PDGFC: variants seen among roughly 807,000 people sequenced by gnomAD.
The protein encoded by PDGFC is platelet derived growth factor C, also known as platelet-derived growth factor C.
PDGFC carries 12 observed loss-of-function variants against 35.5 expected under a neutral mutation model. The ratio of observed to expected loss-of-function variants is 0.34; its 90% confidence interval spans 0.22 to 0.55. The LOEUF is 0.55. Ranked by LOEUF, PDGFC falls within the 20% of genes least tolerant of loss-of-function variation. The pLI, the probability that PDGFC is intolerant of heterozygous loss-of-function variation, is 0.91. For missense variants in PDGFC, 322 were observed against 412.4 expected (o/e 0.78, Z 1.90); for synonymous variants, 159 against 148.8 (o/e 1.07, Z -0.50).
intron 1 of PDGFC, among the ~76,000 whole-genome samples, chr4:156,956,633 G>C (rs1339334204): frequency 2.0e-5 from 3 of 151,872 alleles, no homozygotes; most frequent in African/African-American, 7.3e-5. Context: ...ACCAGCACCT[G>C]GTTTGGGATG....
At chr4:156,918,558 C>A (rs1042858548) in intron 1 of PDGFC, among the ~76,000 whole-genome samples, 1 of 152,146 alleles carries the variant, frequency 6.6e-6, no homozygotes, top group Non-Finnish European at 1.5e-5. Context: ...GCCTGAGCTC[C>A]GCCTCCCGTC....
chr4:156,769,195 T>C (rs1730625838), intron 4 of PDGFC, among the ~76,000 whole-genome samples: 2 of 151,600 alleles, frequency 1.3e-5, no homozygotes. Flanking sequence ...CAGACATGAA[T>C]GAAAAAAAAG....
chr4:156,947,656 A>T (rs1305290260), intron 1 of PDGFC, among the ~76,000 whole-genome samples: 3 of 152,078 alleles, frequency 2.0e-5, no homozygotes, highest in Non-Finnish European at 4.4e-5. Flanking sequence ...AAGAGGTCTA[A>T]GAAACGAGAT....
At chr4:156,918,251 A>G (rs1324851776) in intron 1 of PDGFC, among the ~76,000 whole-genome samples, 26 of 152,176 alleles carry the variant, frequency 1.7e-4, no homozygotes, top group Admixed American at 1.7e-3. Flanking sequence ...TTAAATTCTC[A>G]CTCAGTATCA....
At chr4:156,863,837 C>T (rs551418101) in intron 1 of PDGFC, among the ~76,000 whole-genome samples, 6 of 152,166 alleles carry the variant, frequency 3.9e-5, no homozygotes, top group African/African-American at 1.2e-4. Flanking sequence ...ATATGAAAAA[C>T]TGAATCTTCA....
chr4:156,780,777 G>A (rs1257969415), intron 3 of PDGFC, among the ~76,000 whole-genome samples: 2 of 152,110 alleles, frequency 1.3e-5, no homozygotes, highest in African/African-American at 4.8e-5. Context: ...CTAATTCAGG[G>A]GAAGCCATTA....
At chr4:156,904,565 C>T (rs1361072963) in intron 1 of PDGFC, among the ~76,000 whole-genome samples, 6 of 152,054 alleles carry the variant, frequency 3.9e-5, no homozygotes, top group Non-Finnish European at 8.8e-5. Flanking sequence ...TGAATAATCT[C>T]TTAAGATTTT....
chr4:156,849,796 A>G (rs1729409525), intron 2 of PDGFC, among the ~76,000 whole-genome samples: 2 of 152,044 alleles, frequency 1.3e-5, no homozygotes, highest in South Asian at 2.1e-4. Context: ...GTACCTGTGG[A>G]TAGAACTTTT....
Position 156,907,738 on chromosome 4 carries a change from C to A in PDGFC, c.119-57322G>T, listed in dbSNP as rs377329575. Reference sequence around the variant, plus strand: ...CCTGGCTGTGACTGGGGGTCCTTCACCTGGGATGAAGTGGCCCTAACCTCT... The same window carrying A: ...CCTGGCTGTGACTGGGGGTCCTTCAACTGGGATGAAGTGGCCCTAACCTCT... On this transcript the variant is annotated intron_variant, in intron 1 of 5. Transcript: ENST00000502773. 6.6e-5 allele frequency among the ~76,000 whole-genome samples: 10 copies of A among 152,282 alleles called. No individual in the cohort carries two copies. The East Asian group carries it at 1.2e-3, about 18-fold the overall frequency.
intron 1 of PDGFC, among the ~76,000 whole-genome samples, chr4:156,872,314 A>T (rs2111146618): frequency 6.6e-6 from 1 of 152,344 alleles, no homozygotes; most frequent in East Asian, 1.9e-4. Flanking sequence ...GGCACAGAAG[A>T]CAGGCAAACA....
chr4:156,768,401 A>G (rs888588135), intron 4 of PDGFC, among the ~76,000 whole-genome samples: 2 of 152,072 alleles, frequency 1.3e-5, no homozygotes, highest in African/African-American at 4.8e-5. Context: ...AAACAAGTAT[A>G]ATTCTTAAAA....
At chr4:156,811,421 CT>C (rs1342867741) in intron 2 of PDGFC, among the ~76,000 whole-genome samples, 2 of 152,052 alleles carry the variant, frequency 1.3e-5, no homozygotes, top group East Asian at 3.9e-4. Flanking sequence ...CTCTTTCATC[CT>C]GGCCAGGGGC....
intron 3 of PDGFC, among the ~76,000 whole-genome samples, chr4:156,799,338 T>C (rs756025383): frequency 7.2e-5 from 11 of 152,166 alleles, no homozygotes; most frequent in Non-Finnish European, 1.3e-4. Flanking sequence ...ATCTTGGAAA[T>C]TCCCCCCTCA....
rs1730349921 is a variant in PDGFC, at chr4:156,760,494, G to C, written c.*2596C>G. 1 of 152,120 alleles carries C rather than the reference G, an allele frequency of 6.6e-6. No homozygotes were observed. The highest frequency in any genetic ancestry group is 6.6e-5 in the Admixed American group (1 of 15,266). 9.4% of individuals were successfully genotyped at this position (152,120 alleles called of 1,614,324 possible). A position where few individuals can be genotyped will look rare whatever the true frequency, so the allele number is the denominator to read the frequency against. On this transcript the variant is annotated 3_prime_UTR_variant, in exon 6 of 6. Transcript: ENST00000502773. ...GCTTTTATTTTAGTAAACATCACTGGGCAAAACAGCCCATGTCTCAAGGAC... is the reference window on the plus strand; with the variant it reads ...GCTTTTATTTTAGTAAACATCACTGCGCAAAACAGCCCATGTCTCAAGGAC...
At chr4:156,792,204 G>A (rs999410867) in intron 3 of PDGFC, among the ~76,000 whole-genome samples, 2 of 152,100 alleles carry the variant, frequency 1.3e-5, no homozygotes, top group African/African-American at 4.8e-5. Context: ...GGTTAGGAAA[G>A]TGATTAAATA....
intron 1 of PDGFC, among the ~76,000 whole-genome samples, chr4:156,964,874 T>G (rs1029517309): frequency 6.6e-6 from 1 of 152,188 alleles, no homozygotes; most frequent in African/African-American, 2.4e-5. Context: ...CCTGTGCAAG[T>G]TATCCTTGAG....
intron 1 of PDGFC, among the ~76,000 whole-genome samples, chr4:156,938,366 A>T (rs991758194): frequency 1.6e-4 from 25 of 152,198 alleles, no homozygotes; most frequent in Non-Finnish European, 3.2e-4. Flanking sequence ...AACTTAAGTT[A>T]GAATCCATGA....
intron 1 of PDGFC, among the ~76,000 whole-genome samples, chr4:156,926,049 CA>C (rs397707839): frequency 0.28 from 18,456 of 66,954 alleles, 898 homozygotes; most frequent in South Asian, 0.41. Flanking sequence ...AGATCTGTCT[CA>C]AAAAAAAAAA....
chr4:156,895,241 A>C (rs1412430055), intron 1 of PDGFC, among the ~76,000 whole-genome samples: 2 of 152,172 alleles, frequency 1.3e-5, no homozygotes, highest in Non-Finnish European at 2.9e-5. Context: ...AAGGTCTTCT[A>C]TTTCTAAATA....
Sources: gnomAD v4.1 joint callset for allele counts (sites outside exome capture counted in the v4.1 genomes callset) on GRCh38, gnomAD v4.1.1 for gene constraint, MANE v1.5 for transcripts, NCBI Gene and HGNC (gene_info 2026-07-23, HGNC 2026-07-21) for gene names.